CCDC40: variants seen among roughly 807,000 people sequenced by gnomAD.
The protein encoded by CCDC40 is coiled-coil domain-containing protein 40.
A neutral mutation model predicts 124.5 loss-of-function variants in CCDC40; 104 were observed. The ratio of observed to expected loss-of-function variants is 0.84; its 90% confidence interval spans 0.71 to 0.98. The LOEUF (loss-of-function observed/expected upper bound fraction) is 0.98. CCDC40 is among the 50% of genes least tolerant of loss of function. The pLI is 0.00. For synonymous variants in CCDC40, 580 were observed against 602.9 expected (o/e 0.96, Z 0.56); for missense variants, 1,463 against 1,503.9 (o/e 0.97, Z 0.45).
At position 80,066,073 on chromosome 17, in the gene CCDC40, C is replaced by T. The variant is rs2038039058; in HGVS notation, c.1562+467C>T. On this transcript the variant is annotated intron_variant, in intron 10 of 19. Coordinates refer to ENST00000397545, the MANE Select transcript of CCDC40 (RefSeq NM_017950.4). The surrounding 1 kb of genome is among the most constrained non-coding windows in gnomAD (Gnocchi z 4.4). ...CTCACTTCTGGGGATGGATGCGTGG[C>T]TCAGGGCAGGGCGTTGGAGACACAG... The T allele has an allele frequency of 7.1e-6, 5 of 702,782 alleles. No individual in the cohort carries two copies. Among genetic ancestry groups the T allele is most frequent in the Non-Finnish European group, 1.3e-5 (5 of 384,968 alleles). 43.5% of individuals were successfully genotyped at this position (702,782 alleles called of 1,614,324 possible).
At position 80,099,657 on chromosome 17, in the gene CCDC40, T is replaced by C. The variant is rs2038881265; in HGVS notation, c.3311T>C (p.Leu1104Pro). The change falls in exon 20 of 20, where the codon CTG (leucine) becomes CCG (proline). Residue 1104 changes from leucine (L) to proline (P), a missense_variant. Transcript: ENST00000397545. ...GAGCGCCAGCGCCTGGACAAGCGAC[T>C]GGCTCTCATCGCCACCATCCTGGAC... is the stretch of plus-strand genomic sequence containing the variant. ...VLERQRLDKRLALIATILDRV... is the reference protein window; with the variant it reads ...VLERQRLDKRPALIATILDRV... The C allele has an allele frequency of 6.2e-7, 1 of 1,613,914 alleles. No homozygotes were observed. Among genetic ancestry groups the C allele is most frequent in the South Asian group, 1.1e-5 (1 of 91,080 alleles).
chr17:80,098,366 G>A (rs1002737948), intron 19 of CCDC40, among the ~76,000 whole-genome samples: 3 of 152,268 alleles, frequency 2.0e-5, no homozygotes, highest in Admixed American at 1.3e-4. Context: ...GGGCTTTAGC[G>A]GGCTCCCGCG....
intron 3 of CCDC40, among the ~76,000 whole-genome samples, chr17:80,045,924 C>A (rs978713983): frequency 2.0e-5 from 3 of 151,754 alleles, no homozygotes; most frequent in Admixed American, 2.0e-4. Flanking sequence ...TGTTATTGAT[C>A]CTTACAGCCA....
intron 16 of CCDC40, among the ~76,000 whole-genome samples, chr17:80,089,296 A>G (rs1019692145): frequency 6.6e-6 from 1 of 152,206 alleles, no homozygotes; most frequent in South Asian, 2.1e-4. Flanking sequence ...CGTGCTCCGG[A>G]AGGGATGAAT....
rs199850214 is a variant in CCDC40 at position 80,086,060 on chromosome 17, G to A, written c.2293G>A (p.Glu765Lys). The A allele has an allele frequency of 1.0e-4, 168 of 1,614,162 alleles. No individual in the cohort carries two copies. The East Asian group carries it at 3.4e-3, about 33-fold the overall frequency. The change falls in exon 14 of 20, where the codon GAG becomes AAG. Residue 765 changes from glutamate to lysine, a missense_variant. Transcript: ENST00000397545. This position sits in a 1 kb window ranked among gnomAD's most constrained non-coding sequence, Gnocchi z 5.5. ...CAAAAGGCTGAGCAAGCTGATCGAC[G>A]AGCACGATGGCAAGGCGGTCCAGGC... ...EIKRLSKLIDEHDGKAVQAQV... is the reference protein window; with the variant it reads ...EIKRLSKLIDKHDGKAVQAQV...
chr17:80,050,131 A>C lies in CCDC40; in HGVS notation c.1007A>C (p.Gln336Pro). 6.2e-7 allele frequency: 1 copy of C among 1,613,650 alleles called. No homozygotes were observed. The highest frequency in any genetic ancestry group is 1.1e-5 in the South Asian group (1 of 91,076). ...GGGGTGAATCTCTATGAGGTGCAGCAGCACCTGGTACACCTGCAGAAGCTG... is the reference window on the plus strand; with the variant it reads ...GGGGTGAATCTCTATGAGGTGCAGCCGCACCTGGTACACCTGCAGAAGCTG... ...ELGVNLYEVQ[Q>P]HLVHLQKLLE... Residue 336 changes from glutamine (Q) to proline (P), a missense_variant, in exon 7 of 20, where the codon CAG (glutamine) becomes CCG (proline). Coordinates refer to ENST00000397545, the MANE Select transcript of CCDC40 (RefSeq NM_017950.4).
In CCDC40 at chr17:80,092,311, C is replaced by G. The variant is rs149145381; in HGVS notation, c.2832+2427C>G. 8.5e-5 allele frequency among the ~76,000 whole-genome samples: 13 copies of G among 152,242 alleles called. No homozygotes were observed. The East Asian group carries it at 2.1e-3, about 25-fold the overall frequency. ...TCAGCCTCCCAAAGTGCTGGGATTA[C>G]AGGTGTGAGCCACTGTGCCCAGCCA... On this transcript the variant is annotated intron_variant, in intron 17 of 19. Coordinates refer to ENST00000397545, the MANE Select transcript of CCDC40 (RefSeq NM_017950.4).
chr17:80,070,551 T>G (rs2038162183), intron 10 of CCDC40, among the ~76,000 whole-genome samples: 1 of 152,148 alleles, frequency 6.6e-6, no homozygotes, highest in African/African-American at 2.4e-5. Flanking sequence ...CAGTGAACTG[T>G]GATTGCACGA....
intron 17 of CCDC40, chr17:80,092,293 C>T (rs1598550423): frequency 6.6e-6 from 1 of 152,300 alleles, no homozygotes; most frequent in African/African-American, 2.4e-5. Flanking sequence ...ACCTCAGCCT[C>T]CCAAAGTGCT....
Position 80,099,618 on chromosome 17 carries a change from A to C in CCDC40, c.3272A>C (p.Gln1091Pro). 4.3e-6 allele frequency: 7 copies of C among 1,613,796 alleles called. No homozygotes were observed. Among genetic ancestry groups the C allele is most frequent in the Non-Finnish European group, 5.9e-6 (7 of 1,180,012 alleles). The change falls in exon 20 of 20, where the codon CAG (glutamine) becomes CCG (proline). Residue 1091 changes from glutamine (Q) to proline (P), a missense_variant. Transcript: ENST00000397545. ...GRYVFLFRSK[Q>P]SLVLERQRLD... ...TACGTGTTCCTGTTCCGCTCCAAGC[A>C]GTCCCTAGTGCTGGAGCGCCAGCGC...
intron 10 of CCDC40, chr17:80,067,872 A>G: frequency 7.2e-7 from 1 of 1,386,276 alleles, no homozygotes; most frequent in Non-Finnish European, 9.3e-7. Context: ...GAAAATAGAT[A>G]ATCTTGTTTT....
intron 17 of CCDC40, chr17:80,090,336 TGCACGAACAAGGGACGCGCGCAGG>T: frequency 3.1e-6 from 2 of 651,220 alleles, no homozygotes; most frequent in South Asian, 2.6e-5. Context: ...CGCAGGCACG[TGCACGAACAAGGGACGCGCGCAGG>T]CACGTGCACG....
chr17:80,089,732 A>C (rs756896778), intron 16 of CCDC40, 32 bp from the exon 17 acceptor site: 13 of 1,613,628 alleles, frequency 8.1e-6, no homozygotes, highest in Middle Eastern at 3.3e-4. Context: ...GAAAACTCCT[A>C]ATTTCTTACA....
chr17:80,089,007 C>A lies in CCDC40; in HGVS notation c.2712-757C>A, dbSNP rs577272264. On this transcript the variant is annotated intron_variant, in intron 16 of 19. Transcript: ENST00000397545. ...TGTCTGATTATTAAAGTAACACACA[C>A]CCAGCTCTAAACATTTTAAACTATA... Among the ~76,000 whole-genome samples the A allele has an allele frequency of 2.6e-5, 4 of 152,320 alleles. No individual in the cohort carries two copies. In the South Asian group the frequency reaches 6.2e-4, roughly 24 times the overall value.
Position 80,099,551 on chromosome 17 carries a change from C to A in CCDC40, c.3205C>A (p.Gln1069Lys). Residue 1069 changes from glutamine (Q) to lysine (K), a missense_variant, in exon 20 of 20, where the codon CAG becomes AAG. Transcript: ENST00000397545. Reference protein sequence around the residue: ...RQNLSEIVALQTRLKHLQAVK... With the variant: ...RQNLSEIVALKTRLKHLQAVK... ...GAACCTTTCAGAGATCGTGGCCCTGCAGACACGCCTTAAGCACCTGCAGGC... is the reference window on the plus strand; with the variant it reads ...GAACCTTTCAGAGATCGTGGCCCTGAAGACACGCCTTAAGCACCTGCAGGC... 1.2e-6 allele frequency: 2 copies of A among 1,611,562 alleles called. No individual in the cohort carries two copies. Among genetic ancestry groups the A allele is most frequent in the Non-Finnish European group, 1.7e-6 (2 of 1,180,006 alleles).
chr17:80,059,777 C>T (rs2037850775), intron 9 of CCDC40, among the ~76,000 whole-genome samples: 1 of 152,104 alleles, frequency 6.6e-6, no homozygotes, highest in Admixed American at 6.5e-5. Context: ...CCAGGTTGGT[C>T]TCAAACTCCT....
rs71163919 is a variant in CCDC40 at position 80,091,302 on chromosome 17, T to TACAC, written c.2832+1456_2832+1459dup. 8.1e-3 allele frequency among the ~76,000 whole-genome samples: 1,137 copies of TACAC among 139,592 alleles called. 8 individuals carry two copies. Among genetic ancestry groups the TACAC allele is most frequent in the South Asian group, 0.016 (67 of 4,148 alleles). The allele number at this position is 139,592 out of a possible 152,430, so 91.6% of individuals were successfully genotyped here. On this transcript the variant is annotated intron_variant, in intron 17 of 19. Transcript: ENST00000397545. ...CTCCAAAGAAACAGAACCAGTAGAC[T>TACAC]ACACACACACACACACACACACACA...
At chr17:80,043,446 A>G (rs1038009116) in intron 3 of CCDC40, among the ~76,000 whole-genome samples, 15 of 151,954 alleles carry the variant, frequency 9.9e-5, no homozygotes, top group Non-Finnish European at 1.5e-5. Flanking sequence ...ACATTTATAC[A>G]TACACCATGT....
intron 10 of CCDC40, among the ~76,000 whole-genome samples, chr17:80,080,549 T>C (rs1438829537): frequency 6.6e-6 from 1 of 152,228 alleles, no homozygotes; most frequent in African/African-American, 2.4e-5. Context: ...CCACGCTGTT[T>C]CCTGCAGACC....
Sources: allele counts gnomAD v4.1 joint callset (sites outside exome capture counted in the v4.1 genomes callset), GRCh38; gene constraint gnomAD v4.1.1; non-coding constraint Gnocchi (gnomAD v3.1); transcripts MANE v1.5; gene names NCBI Gene and HGNC (gene_info 2026-07-23, HGNC 2026-07-21).